Variants in EBF2 observed in about 807,000 individuals in gnomAD.
EBF2 encodes transcription factor COE2.
Under a neutral mutation model 72.8 loss-of-function variants are expected in EBF2, and 21 were observed. That is an observed-to-expected ratio of 0.29 (90% CI 0.20 to 0.42). The LOEUF (loss-of-function observed/expected upper bound fraction) is 0.42, where lower values mean the gene tolerates loss of function less well. EBF2 is among the 10% of genes least tolerant of loss of function. The pLI is 1.00. For missense variants in EBF2, 637 were observed against 731.2 expected (o/e 0.87, Z 1.49); for synonymous variants, 299 against 274.2 (o/e 1.09, Z -0.89).
At chr8:25,991,019 A>G (rs1804533965) in intron 6 of EBF2, among the ~76,000 whole-genome samples, 1 of 152,314 alleles carries the variant, frequency 6.6e-6, no homozygotes, top group Admixed American at 6.5e-5. Context: ...GGAAAAGGAT[A>G]TCCCTCAAAC....
At chr8:25,915,303 C>T (rs190278290) in intron 6 of EBF2, among the ~76,000 whole-genome samples, 22 of 149,832 alleles carry the variant, frequency 1.5e-4, no homozygotes, top group Non-Finnish European at 2.5e-4. Context: ...AAAGGCTGAA[C>T]ATGTTGCCAC....
At chr8:26,020,756 AT>A (rs139732530) in intron 6 of EBF2, among the ~76,000 whole-genome samples, 17,285 of 151,750 alleles carry the variant, frequency 0.11, 1,067 homozygotes, top group South Asian at 0.16. Flanking sequence ...TCAAAGTCAG[AT>A]TTTTTTTTCT....
intron 6 of EBF2, among the ~76,000 whole-genome samples, chr8:25,964,982 A>G (rs1019646841): frequency 2.0e-5 from 3 of 152,230 alleles, no homozygotes; most frequent in African/African-American, 7.2e-5. Context: ...GGTCAATATC[A>G]ATAATTGATG....
chr8:25,940,064 T>C (rs1803644134), intron 6 of EBF2, among the ~76,000 whole-genome samples: 1 of 152,168 alleles, frequency 6.6e-6, no homozygotes, highest in Admixed American at 6.5e-5. Context: ...CACCTGTTGA[T>C]TATAAACACA....
intron 5 of EBF2, among the ~76,000 whole-genome samples, chr8:26,039,352 C>T (rs1207373201): frequency 2.0e-5 from 3 of 152,226 alleles, no homozygotes; most frequent in South Asian, 2.1e-4. Flanking sequence ...CCTTTCACGA[C>T]GTGAATATCA....
At chr8:26,000,434 C>A (rs1222042981) in intron 6 of EBF2, among the ~76,000 whole-genome samples, 1 of 152,152 alleles carries the variant, frequency 6.6e-6, no homozygotes, top group Non-Finnish European at 1.5e-5. Context: ...CTAGCAGCAA[C>A]CATGATCACC....
At chr8:26,005,272 TATA>T (rs1804825104) in intron 6 of EBF2, among the ~76,000 whole-genome samples, 1 of 538 alleles carries the variant, frequency 1.9e-3, no homozygotes, top group Non-Finnish European at 3.7e-3. Flanking sequence ...ATATATAATA[TATA>T]TAATTATATA....
intron 6 of EBF2, among the ~76,000 whole-genome samples, chr8:26,022,542 G>A (rs926740766): frequency 6.6e-6 from 1 of 152,090 alleles, no homozygotes; most frequent in African/African-American, 2.4e-5. Context: ...GGCTACTTAG[G>A]GGCTTTTTAA....
chr8:25,867,348 T>C (rs1048921420), intron 10 of EBF2, among the ~76,000 whole-genome samples: 9 of 152,230 alleles, frequency 5.9e-5, no homozygotes, highest in Admixed American at 2.0e-4. Context: ...CTAGTTAACA[T>C]TGCTCACACT....
intron 6 of EBF2, among the ~76,000 whole-genome samples, chr8:25,943,898 T>G (rs932293033): frequency 6.6e-6 from 1 of 152,154 alleles, no homozygotes. Context: ...AAGACTGCCC[T>G]GATAGCTTGA....
At chr8:25,922,166 T>C (rs1803315397) in intron 6 of EBF2, among the ~76,000 whole-genome samples, 1 of 152,148 alleles carries the variant, frequency 6.6e-6, no homozygotes, top group Non-Finnish European at 1.5e-5. Flanking sequence ...TGAGTTTATG[T>C]TGAAGTTTCA....
At chr8:25,845,581 C>T (rs1563371201) in intron 15 of EBF2, among the ~76,000 whole-genome samples, 1 of 152,202 alleles carries the variant, frequency 6.6e-6, no homozygotes, top group Non-Finnish European at 1.5e-5. Flanking sequence ...TTCTTTCTCC[C>T]TTCATCGGGT....
chr8:26,007,945 A>G (rs1804910229), intron 6 of EBF2, among the ~76,000 whole-genome samples: 1 of 152,138 alleles, frequency 6.6e-6, no homozygotes, highest in Non-Finnish European at 1.5e-5. Flanking sequence ...TTTCCCGGAA[A>G]AAAGAAGACA....
chr8:25,980,787 CAAAAAAAAAAA>C (rs34271943), intron 6 of EBF2, among the ~76,000 whole-genome samples: 11 of 67,150 alleles, frequency 1.6e-4, no homozygotes, highest in African/African-American at 6.9e-4. Flanking sequence ...GAGGCCACCA[CAAAAAAAAAAA>C]AAAAAAAAAA....
intron 6 of EBF2, among the ~76,000 whole-genome samples, chr8:25,969,363 T>C (rs968365552): frequency 1.3e-5 from 2 of 152,178 alleles, no homozygotes; most frequent in African/African-American, 4.8e-5. Context: ...GAAGCTGAGA[T>C]CAATCACCTG....
At chr8:25,891,834 G>A (rs1585184322) in intron 7 of EBF2, among the ~76,000 whole-genome samples, 2 of 152,008 alleles carry the variant, frequency 1.3e-5, no homozygotes, top group African/African-American at 2.4e-5. Context: ...TGCCTCGGCC[G>A]CCCAAAGTGC....
chr8:25,890,049 G>A lies in EBF2; in HGVS notation c.634-180C>T, dbSNP rs17054538. On this transcript the variant is annotated intron_variant, in intron 7 of 15. Transcript: ENST00000520164. ...ATTATGTCAAAACTTTACAGAAAAA[G>A]TGGCTGCCCTTCATCCATGCATTGT... Among the ~76,000 whole-genome samples, 1,459 of 152,306 alleles carry A rather than the reference G, an allele frequency of 9.6e-3. 24 individuals carry two copies. The highest frequency in any genetic ancestry group is 0.033 in the African/African-American group (1,383 of 41,560).
chr8:25,947,811 G>A (rs1427830926), intron 6 of EBF2, among the ~76,000 whole-genome samples: 2 of 152,180 alleles, frequency 1.3e-5, no homozygotes, highest in South Asian at 4.1e-4. Context: ...CAACCACTCT[G>A]GAAAATTACC....
At chr8:26,036,935 G>A (rs950417693) in intron 5 of EBF2, among the ~76,000 whole-genome samples, 6 of 151,952 alleles carry the variant, frequency 3.9e-5, no homozygotes, top group African/African-American at 1.5e-4. Flanking sequence ...ACAAAGAGAA[G>A]AGGAAACTGA....
Sources: gnomAD v4.1 joint callset for allele counts (sites outside exome capture counted in the v4.1 genomes callset) on GRCh38, gnomAD v4.1.1 for gene constraint, MANE v1.5 for transcripts, NCBI Gene and HGNC (gene_info 2026-07-23, HGNC 2026-07-21) for gene names.